HIPK3: variants seen among roughly 807,000 people sequenced by gnomAD.
HIPK3 encodes the protein homeodomain interacting protein kinase 3, also known as homeodomain-interacting protein kinase 3.
A neutral mutation model predicts 124.2 loss-of-function variants in HIPK3; 47 were observed. The observed-to-expected ratio is 0.38, with a 90% CI of 0.30 to 0.48. The LOEUF (loss-of-function observed/expected upper bound fraction) is 0.48. HIPK3 is among the 20% of genes least tolerant of loss of function. The pLI is 0.98. For synonymous variants in HIPK3, 482 were observed against 515.2 expected (o/e 0.94, Z 0.87); for missense variants, 1,286 against 1,454.3 (o/e 0.88, Z 1.88).
intron 2 of HIPK3, among the ~76,000 whole-genome samples, chr11:33,320,344 A>G (rs1286852315): frequency 5.3e-5 from 8 of 152,210 alleles, no homozygotes; most frequent in Non-Finnish European, 1.2e-4. Flanking sequence ...TCTTGTAATA[A>G]CAGATGGAGG....
chr11:33,297,778 CTTTTTTTTT>C (rs1015881408), intron 2 of HIPK3, among the ~76,000 whole-genome samples: 5 of 81,986 alleles, frequency 6.1e-5, no homozygotes, highest in Non-Finnish European at 1.2e-4. Context: ...AAAGAACAGG[CTTTTTTTTT>C]TTTTTTTTTT....
chr11:33,257,285 G>C (rs1590327770), upstream of HIPK3: 1 of 983,572 alleles, frequency 1.0e-6, no homozygotes, highest in Non-Finnish European at 1.2e-6. Context: ...GAGCCGCCCG[G>C]GCTGGGCGCG....
At chr11:33,258,746 G>C in intron 1 of HIPK3, 3 of 984,550 alleles carry the variant, frequency 3.0e-6, no homozygotes, top group Non-Finnish European at 3.6e-6. Flanking sequence ...TTGAGGAATT[G>C]CGCTGAAGAG....
intron 2 of HIPK3, among the ~76,000 whole-genome samples, chr11:33,302,526 G>A (rs1041190084): frequency 6.6e-6 from 1 of 151,910 alleles, no homozygotes; most frequent in Non-Finnish European, 1.5e-5. Context: ...TAGTAGAGAA[G>A]AGGTTTCACC....
At chr11:33,352,996 C>A in intron 16 of HIPK3, 96 bp from the exon 17 acceptor site, 1 of 716,744 alleles carries the variant, frequency 1.4e-6, no homozygotes, top group Non-Finnish European at 2.3e-6. Flanking sequence ...TATGAGTTAT[C>A]AATCACAAAG....
At chr11:33,273,638 G>A (rs1393491480) in intron 1 of HIPK3, among the ~76,000 whole-genome samples, 2 of 149,824 alleles carry the variant, frequency 1.3e-5, no homozygotes, top group African/African-American at 2.5e-5. Context: ...AAACATAATT[G>A]TAGAAATTAA....
At chr11:33,262,730 C>T (rs1850856853) in intron 1 of HIPK3, among the ~76,000 whole-genome samples, 1 of 152,176 alleles carries the variant, frequency 6.6e-6, no homozygotes, top group African/African-American at 2.4e-5. Context: ...TATTTTTGAC[C>T]TTAAATGTAT....
chr11:33,288,514 C>T (rs1851615485), intron 2 of HIPK3, among the ~76,000 whole-genome samples: 1 of 152,054 alleles, frequency 6.6e-6, no homozygotes. Context: ...TTTAGGTCAC[C>T]TGATCATAAC....
In HIPK3 at chr11:33,338,612, G is replaced by A. The variant is rs143681221; in HGVS notation, c.1342-145G>A. The A allele has an allele frequency of 5.6e-4, 246 of 436,202 alleles. 2 individuals carry two copies. The East Asian group carries it at 8.3e-3, about 15-fold the overall frequency. 27.0% of individuals were successfully genotyped at this position (436,202 alleles called of 1,614,324 possible). A position where few individuals can be genotyped will look rare whatever the true frequency, so the allele number is the denominator to read the frequency against. On this transcript the variant is annotated intron_variant, in intron 4 of 16. Coordinates refer to ENST00000303296, the MANE Select transcript of HIPK3 (RefSeq NM_005734.5). ...CAAGCACTTCTCATTTTTTTTTTGC[G>A]TATACTTTAAAAAATACATTTTTGA...
intron 4 of HIPK3, among the ~76,000 whole-genome samples, chr11:33,337,612 T>A (rs1179769691): frequency 1.3e-5 from 2 of 150,532 alleles, no homozygotes. Flanking sequence ...CACCTCCGCC[T>A]CCCAACGTGC....
intron 2 of HIPK3, among the ~76,000 whole-genome samples, chr11:33,287,928 A>G (rs571692202): frequency 6.6e-6 from 1 of 152,316 alleles, no homozygotes; most frequent in South Asian, 2.1e-4. Flanking sequence ...GAAAAATTAT[A>G]TACAGGTTTG....
intron 2 of HIPK3, among the ~76,000 whole-genome samples, chr11:33,294,762 A>G (rs2133915385): frequency 6.6e-6 from 1 of 152,290 alleles, no homozygotes; most frequent in South Asian, 2.1e-4. Flanking sequence ...TCAGCCACCC[A>G]GCTCATGAAT....
intron 2 of HIPK3, among the ~76,000 whole-genome samples, chr11:33,307,021 C>G (rs1852181525): frequency 6.6e-6 from 1 of 151,844 alleles, no homozygotes; most frequent in African/African-American, 2.4e-5. Context: ...TCGCTGCAAC[C>G]TTGGCCTTTC....
At chr11:33,345,969 T>A (rs1483626574) in intron 8 of HIPK3, among the ~76,000 whole-genome samples, 1 of 152,150 alleles carries the variant, frequency 6.6e-6, no homozygotes, top group African/African-American at 2.4e-5. Context: ...AGAGAAACAC[T>A]CAACATCACA....
chr11:33,276,956 C>T (rs993277496), intron 1 of HIPK3, among the ~76,000 whole-genome samples: 3 of 152,094 alleles, frequency 2.0e-5, no homozygotes, highest in Admixed American at 6.6e-5. Context: ...TCACCAGCCT[C>T]GGTCTCCCAA....
chr11:33,353,558 C>T lies in HIPK3; in HGVS notation c.3638C>T (p.Pro1213Leu). 1.3e-6 allele frequency: 2 copies of T among 1,588,128 alleles called. No individual in the cohort carries two copies. The highest frequency in any genetic ancestry group is 1.7e-6 in the Non-Finnish European group (2 of 1,156,512). Residue 1213 changes from proline to leucine, a missense_variant, in exon 17 of 17, where the codon CCA becomes CTA. Around this residue, in one of 3 missense-constraint regions of HIPK3, gnomAD observed 810 missense variants for 864.9 expected, o/e 0.94. Transcript: ENST00000303296. ...AGTCCAACAAAACTCAGCCAGTATCCATATATGTGAAAAACAGTATATTGG... is the reference window on the plus strand; with the variant it reads ...AGTCCAACAAAACTCAGCCAGTATCTATATATGTGAAAAACAGTATATTGG... Reference protein sequence around the residue: ...PLSPTKLSQYPYM With the variant: ...PLSPTKLSQYLYM
intron 2 of HIPK3, among the ~76,000 whole-genome samples, chr11:33,311,801 A>G (rs1457036290): frequency 6.7e-6 from 1 of 148,612 alleles, no homozygotes; most frequent in Non-Finnish European, 1.5e-5. Flanking sequence ...CCAGGAGTTC[A>G]TGAGCAGCTT....
chr11:33,298,944 T>G (rs1040157606), intron 2 of HIPK3, among the ~76,000 whole-genome samples: 2 of 152,070 alleles, frequency 1.3e-5, no homozygotes, highest in Non-Finnish European at 2.9e-5. Flanking sequence ...CCTCCTGGGT[T>G]CAGGCAATTC....
At chr11:33,283,408 C>T (rs911318834) in intron 1 of HIPK3, among the ~76,000 whole-genome samples, 1 of 152,042 alleles carries the variant, frequency 6.6e-6, no homozygotes, top group Non-Finnish European at 1.5e-5. Context: ...CCGCGCCCAG[C>T]GGAACTCCGG....
Sources: allele counts gnomAD v4.1 joint callset (sites outside exome capture counted in the v4.1 genomes callset), GRCh38; gene constraint gnomAD v4.1.1; regional missense constraint gnomAD v4.1.1; transcripts MANE v1.5; gene names NCBI Gene and HGNC (gene_info 2026-07-23, HGNC 2026-07-21).